FGF14: variants seen among roughly 807,000 people sequenced by gnomAD.
FGF14 encodes the protein fibroblast growth factor 14, also known as fibroblast growth factor homologous factor 4.
In FGF14, 5 loss-of-function variants were observed where a neutral mutation model predicts 25.5. The observed-to-expected ratio is 0.20, with a 90% confidence interval of 0.10 to 0.41. The LOEUF is 0.41. Among genes scored for constraint, FGF14 ranks in the 10% least tolerant of loss-of-function variants. FGF14 has a pLI of 1.00. For synonymous variants in FGF14, 138 were observed against 118.3 expected (o/e 1.17, Z -1.08); for missense variants, 222 against 320.1 (o/e 0.69, Z 2.34).
At chr13:102,317,013 T>C (rs1401555593) in intron 1 of FGF14, among the ~76,000 whole-genome samples, 1 of 152,136 alleles carries the variant, frequency 6.6e-6, no homozygotes, top group Non-Finnish European at 1.5e-5. Context: ...TCCATCTTTT[T>C]TTGGGCCATT....
intron 1 of FGF14, among the ~76,000 whole-genome samples, chr13:101,971,699 A>T (rs1045619062): frequency 3.3e-5 from 5 of 152,208 alleles, no homozygotes. Flanking sequence ...AGTAGTTATT[A>T]TCACTCCATT....
At chr13:102,109,734 C>T (rs1595304807) in intron 1 of FGF14, among the ~76,000 whole-genome samples, 1 of 152,182 alleles carries the variant, frequency 6.6e-6, no homozygotes, top group South Asian at 2.1e-4. Flanking sequence ...GTTCTCCTGC[C>T]TCAGCCTCCT....
chr13:101,998,122 A>G (rs1473327138), intron 1 of FGF14, among the ~76,000 whole-genome samples: 1 of 152,212 alleles, frequency 6.6e-6, no homozygotes, highest in African/African-American at 2.4e-5. Context: ...CATTTCATTC[A>G]GTCGCAATAC....
intron 1 of FGF14, among the ~76,000 whole-genome samples, chr13:102,353,181 G>A (rs939711533): frequency 3.9e-5 from 6 of 152,190 alleles, no homozygotes; most frequent in Admixed American, 6.5e-5. Flanking sequence ...ACATAGTCAC[G>A]AGAGCAGTGA....
At chr13:101,841,490 G>A (rs927745996) in intron 3 of FGF14, among the ~76,000 whole-genome samples, 1 of 151,878 alleles carries the variant, frequency 6.6e-6, no homozygotes, top group Admixed American at 6.6e-5. Flanking sequence ...TTACTATTAA[G>A]CATACATATT....
intron 1 of FGF14, among the ~76,000 whole-genome samples, chr13:102,297,680 G>T (rs191834057): frequency 1.6e-3 from 244 of 151,324 alleles, no homozygotes; most frequent in Non-Finnish European, 2.9e-3. Context: ...TAGCCCAGGA[G>T]TTTGAGACCA....
intron 1 of FGF14, among the ~76,000 whole-genome samples, chr13:102,224,957 A>G (rs2050768986): frequency 6.6e-6 from 1 of 152,062 alleles, no homozygotes; most frequent in Admixed American, 6.6e-5. Context: ...AATGTTCTAA[A>G]TATCTTCCCT....
chr13:101,997,868 A>T (rs1198897285), intron 1 of FGF14, among the ~76,000 whole-genome samples: 3 of 152,144 alleles, frequency 2.0e-5, no homozygotes, highest in African/African-American at 7.2e-5. Context: ...TTTAGTTTTT[A>T]AATTTTTTAC....
At chr13:101,986,880 T>C (rs73569559) in intron 1 of FGF14, among the ~76,000 whole-genome samples, 8,203 of 152,014 alleles carry the variant, frequency 0.054, 688 homozygotes, top group African/African-American at 0.18. Flanking sequence ...TTAGAGACAC[T>C]CTTGTCTGTC....
intron 1 of FGF14, among the ~76,000 whole-genome samples, chr13:102,055,857 G>A (rs1005538953): frequency 6.6e-6 from 1 of 152,206 alleles, no homozygotes; most frequent in African/African-American, 2.4e-5. Context: ...AGTCCCATGT[G>A]GCTGGGGAGG....
rs1006551236 is a variant in FGF14 at position 102,311,673 on chromosome 13, G to C, written c.208+89798C>G. Among the ~76,000 whole-genome samples the C allele has an allele frequency of 2.0e-5, 3 of 152,258 alleles. No individual in the cohort carries two copies. In the East Asian group the frequency reaches 5.8e-4, roughly 29 times the overall value. ...AAAGCAAAGGGCTTAAAAAGACAGC[G>C]TGTAACACAGGATATTTGAAACGAA... On this transcript the variant is annotated intron_variant, in intron 1 of 4. Coordinates refer to the FGF14 transcript ENST00000376131.
At chr13:101,862,131 G>T (rs369310884) in intron 3 of FGF14, among the ~76,000 whole-genome samples, 2 of 152,088 alleles carry the variant, frequency 1.3e-5, no homozygotes, top group Non-Finnish European at 1.5e-5. Flanking sequence ...TCTACACCAC[G>T]TAGAAAGTTA....
chr13:101,733,609 A>G (rs970449775), intron 3 of FGF14, among the ~76,000 whole-genome samples: 1 of 130,102 alleles, frequency 7.7e-6, no homozygotes, highest in African/African-American at 2.8e-5. Flanking sequence ...AAAAAAAAAA[A>G]AAAGAGAGAG....
chr13:101,767,008 A>G (rs376870368), intron 3 of FGF14, among the ~76,000 whole-genome samples: 18 of 152,326 alleles, frequency 1.2e-4, no homozygotes, highest in Admixed American at 4.6e-4. Context: ...AATGCAATTA[A>G]TCACTAATTT....
At position 101,758,162 on chromosome 13, in the gene FGF14, C is replaced by T. The variant is rs114644230; in HGVS notation, c.409-31352G>A. Reference sequence around the variant, plus strand: ...TTGAACACTTACCTTGAACTAAGTGCCTTTTTGTACATTATCTTAGTTTTA... The same window carrying T: ...TTGAACACTTACCTTGAACTAAGTGTCTTTTTGTACATTATCTTAGTTTTA... On this transcript the variant is annotated intron_variant, in intron 3 of 4. Transcript: ENST00000376143. Among the ~76,000 whole-genome samples the T allele has an allele frequency of 2.4e-4, 36 of 152,204 alleles. No homozygotes were observed. The East Asian group carries it at 6.6e-3, about 28-fold the overall frequency.
intron 1 of FGF14, among the ~76,000 whole-genome samples, chr13:102,032,956 G>T (rs764358165): frequency 1.3e-5 from 2 of 152,000 alleles, no homozygotes; most frequent in Non-Finnish European, 2.9e-5. Context: ...GGCCAACTGT[G>T]GTCCAAGACT....
In FGF14 at chr13:102,203,210, T is replaced by G. The variant is rs116418610; in HGVS notation, c.208+198261A>C. On this transcript the variant is annotated intron_variant, in intron 1 of 4. Transcript: ENST00000376131. ...ATTATGTTTTATGTAAATACTGTAA[T>G]AAATTAGTTTGCATCTCCCAAGTGC... Among the ~76,000 whole-genome samples the G allele has an allele frequency of 2.8e-3, 428 of 152,356 alleles. 1 individual carries two copies. Among genetic ancestry groups the G allele is most frequent in the African/African-American group, 9.4e-3 (393 of 41,590 alleles).
rs1442345978 is a variant in FGF14, at chr13:101,720,801, T to TTTTG, written c.*2026_*2029dup. On this transcript the variant is annotated 3_prime_UTR_variant, in exon 5 of 5. Transcript: ENST00000376143. ...AAATCAAAAATGACCAAAGGAATCA[T>TTTTG]TTTGTTTGTTAGATTTGTAATTTAG... 1.3e-5 allele frequency: 2 copies of TTTTG among 152,090 alleles called. No individual in the cohort carries two copies. The highest frequency in any genetic ancestry group is 6.6e-5 in the Admixed American group (1 of 15,234). 9.4% of individuals were successfully genotyped at this position (152,090 alleles called of 1,614,324 possible). A position where few individuals can be genotyped will look rare whatever the true frequency, so the allele number is the denominator to read the frequency against.
chr13:102,182,514 C>T (rs1037633110), intron 1 of FGF14, among the ~76,000 whole-genome samples: 3 of 152,064 alleles, frequency 2.0e-5, no homozygotes, highest in Non-Finnish European at 4.4e-5. Flanking sequence ...ATTACAAAAA[C>T]TGTTCCTTAT....
Sources: gnomAD v4.1 joint callset for allele counts (sites outside exome capture counted in the v4.1 genomes callset) on GRCh38, gnomAD v4.1.1 for gene constraint, MANE v1.5 for transcripts, NCBI Gene and HGNC (gene_info 2026-07-23, HGNC 2026-07-21) for gene names.